The following ZNF804B variants were observed in gnomAD, a reference collection of about 807,000 sequenced individuals.
The protein encoded by ZNF804B is zinc finger 804B.
A neutral mutation model predicts 101.4 loss-of-function variants in ZNF804B; 80 were observed. The observed-to-expected ratio is 0.79, with a 90% CI of 0.66 to 0.95. The LOEUF is 0.95. Ranked by LOEUF, ZNF804B falls within the 40% of genes least tolerant of loss-of-function variation. The probability of loss-of-function intolerance (pLI) is 0.00; values close to 1 mark genes in which losing one functional copy is unlikely to be tolerated. For synonymous variants in ZNF804B, 622 were observed against 558.8 expected (o/e 1.11, Z -1.59); for missense variants, 1,673 against 1,561.9 (o/e 1.07, Z -1.20).
chr7:89,120,563 C>T (rs1335642516), intron 1 of ZNF804B, among the ~76,000 whole-genome samples: 1 of 140,210 alleles, frequency 7.1e-6, no homozygotes, highest in African/African-American at 2.7e-5. Flanking sequence ...GAGGCTGAGG[C>T]AGGAGAATGG....
chr7:89,276,457 G>C (rs1306833405), intron 2 of ZNF804B, among the ~76,000 whole-genome samples: 2 of 151,512 alleles, frequency 1.3e-5, no homozygotes, highest in Non-Finnish European at 2.9e-5. Context: ...TTTTATAAGG[G>C]GTTCACTAAA....
At chr7:88,938,611 G>T (rs1302892893) in intron 1 of ZNF804B, among the ~76,000 whole-genome samples, 2 of 151,934 alleles carry the variant, frequency 1.3e-5, no homozygotes, top group Non-Finnish European at 2.9e-5. Flanking sequence ...ATAGGAATTT[G>T]GGCAAGATTA....
chr7:89,081,590 A>T (rs1228122504), intron 1 of ZNF804B, among the ~76,000 whole-genome samples: 2 of 151,854 alleles, frequency 1.3e-5, no homozygotes, highest in Non-Finnish European at 2.9e-5. Context: ...AAAGAAAAAC[A>T]GGTCATCAAC....
chr7:88,843,792 T>C (rs17164686), intron 1 of ZNF804B, among the ~76,000 whole-genome samples: 3,935 of 152,132 alleles, frequency 0.026, 133 homozygotes, highest in African/African-American at 0.073. Flanking sequence ...GTCAAACTTA[T>C]TGTATCTTAC....
rs10487073 is a variant in ZNF804B at position 89,296,581 on chromosome 7, C to T, written c.250-30763C>T. Among the ~76,000 whole-genome samples the T allele has an allele frequency of 4.9e-3, 748 of 152,090 alleles. 4 individuals carry two copies. Among genetic ancestry groups the T allele is most frequent in the African/African-American group, 0.017 (700 of 41,520 alleles). On this transcript the variant is annotated intron_variant, in intron 2 of 3. Coordinates refer to ENST00000333190, the MANE Select transcript of ZNF804B (RefSeq NM_181646.5). ...GGCTCATTACTGATTCCTTTCAGAG[C>T]TCATTTTCCTACAAAATACATAGGA...
Position 88,762,667 on chromosome 7 carries a change from A to G in ZNF804B, c.108+2583A>G, listed in dbSNP as rs569791760. Among the ~76,000 whole-genome samples, 194 of 150,780 alleles carry G rather than the reference A, an allele frequency of 1.3e-3. 1 individual carries two copies. The highest frequency in any genetic ancestry group is 2.3e-3 in the Non-Finnish European group (157 of 67,716). On this transcript the variant is annotated intron_variant, in intron 1 of 3. Transcript: ENST00000333190. ...ACTCAGAGATCCATAAAATACATTC[A>G]TCTATTTCCTTAAAAAAACATAGCT...
intron 1 of ZNF804B, among the ~76,000 whole-genome samples, chr7:88,979,116 TTTATA>T (rs771080866): frequency 1.3e-5 from 2 of 151,988 alleles, no homozygotes; most frequent in Non-Finnish European, 2.9e-5. Context: ...ATTGGTTCTA[TTTATA>T]TTATGTGTAT....
chr7:89,125,702 G>C (rs527296445), intron 1 of ZNF804B, among the ~76,000 whole-genome samples: 1 of 151,810 alleles, frequency 6.6e-6, no homozygotes, highest in Non-Finnish European at 1.5e-5. Context: ...GTATCTTAGC[G>C]TGTTTGGTAC....
chr7:88,908,278 G>A (rs955718165), intron 1 of ZNF804B, among the ~76,000 whole-genome samples: 5 of 150,724 alleles, frequency 3.3e-5, no homozygotes, highest in East Asian at 3.9e-4. Context: ...ATGCTGAAAC[G>A]TAATGTGTAT....
chr7:88,962,708 CATATATATATATAT>C (rs71120046), intron 1 of ZNF804B, among the ~76,000 whole-genome samples: 1,247 of 84,178 alleles, frequency 0.015, 30 homozygotes, highest in Middle Eastern at 0.098. Context: ...GTTAAACTCA[CATATATATATATAT>C]ATATATATAT....
intron 2 of ZNF804B, among the ~76,000 whole-genome samples, chr7:89,249,379 G>T (rs1789505937): frequency 6.6e-6 from 1 of 152,124 alleles, no homozygotes; most frequent in Non-Finnish European, 1.5e-5. Flanking sequence ...CACATGTTCA[G>T]CCATATAGCA....
chr7:89,225,990 A>G (rs1789082921), intron 2 of ZNF804B, among the ~76,000 whole-genome samples: 1 of 152,162 alleles, frequency 6.6e-6, no homozygotes, highest in East Asian at 1.9e-4. Flanking sequence ...CAATGAGGGA[A>G]GAGAAAGGGA....
chr7:88,999,392 A>C (rs1788251208), intron 1 of ZNF804B, among the ~76,000 whole-genome samples: 1 of 152,080 alleles, frequency 6.6e-6, no homozygotes, highest in Non-Finnish European at 1.5e-5. Context: ...TAATTCTTAC[A>C]GATTTAAATT....
chr7:88,786,026 T>C (rs1790296864), intron 1 of ZNF804B, among the ~76,000 whole-genome samples: 1 of 152,124 alleles, frequency 6.6e-6, no homozygotes, highest in Admixed American at 6.6e-5. Flanking sequence ...GCATGCTCTC[T>C]AAGGTAGAAA....
intron 1 of ZNF804B, among the ~76,000 whole-genome samples, chr7:89,028,165 TA>T (rs551556024): frequency 5.9e-5 from 9 of 152,248 alleles, no homozygotes; most frequent in Middle Eastern, 3.4e-3. Context: ...AATGTCAATA[TA>T]TAACAAATAA....
intron 2 of ZNF804B, among the ~76,000 whole-genome samples, chr7:89,222,706 C>G (rs921861422): frequency 6.6e-6 from 1 of 151,866 alleles, no homozygotes; most frequent in Non-Finnish European, 1.5e-5. Context: ...TCAACACATA[C>G]TTCTGCATAT....
intron 1 of ZNF804B, among the ~76,000 whole-genome samples, chr7:89,064,662 T>A (rs966077826): frequency 6.6e-6 from 1 of 152,262 alleles, no homozygotes; most frequent in Non-Finnish European, 1.5e-5. Flanking sequence ...TGGTGGGGCA[T>A]GTCATGTGCA....
chr7:89,008,249 TCA>T (rs1470844687), intron 1 of ZNF804B, among the ~76,000 whole-genome samples: 2 of 152,082 alleles, frequency 1.3e-5, no homozygotes, highest in Middle Eastern at 3.2e-3. Context: ...TAAAAAAAAA[TCA>T]CAGTTTCTAT....
chr7:89,257,923 A>G (rs567924566), intron 2 of ZNF804B, among the ~76,000 whole-genome samples: 3 of 152,168 alleles, frequency 2.0e-5, no homozygotes, highest in African/African-American at 7.2e-5. Context: ...ACATGTTTTC[A>G]GGTGCATTAT....
Sources: gnomAD v4.1 joint callset for allele counts (sites outside exome capture counted in the v4.1 genomes callset) on GRCh38, gnomAD v4.1.1 for gene constraint, MANE v1.5 for transcripts, NCBI Gene and HGNC (gene_info 2026-07-23, HGNC 2026-07-21) for gene names.